Variants in HEPH observed in about 807,000 individuals in gnomAD.
HEPH encodes hephaestin.
In HEPH, 69 loss-of-function variants were observed where a neutral mutation model predicts 80.8. That is an observed-to-expected ratio of 0.85 (90% CI 0.70 to 1.04). The LOEUF (loss-of-function observed/expected upper bound fraction) is 1.04. Among genes scored for constraint, HEPH ranks in the 50% least tolerant of loss-of-function variants. The pLI, the probability that HEPH is intolerant of heterozygous loss-of-function variation, is 0.00. For synonymous variants in HEPH, 431 were observed against 322.8 expected, an observed-to-expected ratio of 1.34 and a Z score of -3.60; for missense variants, 1,115 against 891.3, an observed-to-expected ratio of 1.25 and a Z score of -3.20.
chrX:66,193,355 G>T, intron 7 of HEPH, 147 bp from the exon 8 acceptor site: 1 of 341,250 alleles, frequency 2.9e-6, no homozygotes, highest in South Asian at 9.7e-5. Flanking sequence ...CACCAAAGGA[G>T]ATATCTTCAC....
At position 66,189,552 on chromosome X, in the gene HEPH, AATAC is replaced by A. The variant is rs1473914271; in HGVS notation, c.809-128_809-125del. ...GATGTTTTTGAGATTTAAAGAAGAT[AATAC>A]ATAGGTCAACACAGTGTGCTGTTTA... On this transcript the variant is annotated intron_variant, in intron 5 of 20. Coordinates refer to ENST00000343002, the MANE Select transcript of HEPH (RefSeq NM_001367233.3). 2.3e-5 allele frequency: 15 copies of A among 655,750 alleles called. No homozygotes were observed. The African/African-American group carries it at 2.7e-4, about 12-fold the overall frequency. 54.0% of individuals were successfully genotyped at this position (655,750 alleles called of 1,213,427 possible).
intron 15 of HEPH, among the ~76,000 whole-genome samples, chrX:66,233,120 G>A (rs142176661): frequency 3.9e-4 from 44 of 111,879 alleles, no homozygotes; most frequent in African/African-American, 1.3e-3. Flanking sequence ...TATGTCACAC[G>A]TTAAAATTAA....
chrX:66,245,525 A>G (rs1376907742), intron 15 of HEPH, among the ~76,000 whole-genome samples: 1 of 111,421 alleles, frequency 9.0e-6, no homozygotes, highest in African/African-American at 3.3e-5. Flanking sequence ...CCACACAATA[A>G]TAATGGGAGA....
chrX:66,245,673 A>G (rs1286262672), intron 15 of HEPH, among the ~76,000 whole-genome samples: 1 of 111,682 alleles, frequency 9.0e-6, no homozygotes, highest in East Asian at 2.8e-4. Context: ...TCAAAAGAAT[A>G]TACATTCTTT....
At chrX:66,245,886 C>A (rs1230735899) in intron 15 of HEPH, among the ~76,000 whole-genome samples, 1 of 112,485 alleles carries the variant, frequency 8.9e-6, no homozygotes, top group Non-Finnish European at 1.9e-5. Context: ...CTAGTCTACT[C>A]CTTGGTGTTT....
At chrX:66,246,894 A>C (rs982544569) in intron 15 of HEPH, among the ~76,000 whole-genome samples, 1 of 112,067 alleles carries the variant, frequency 8.9e-6, no homozygotes, top group Non-Finnish European at 1.9e-5. Context: ...CTATTCTGCC[A>C]TATTGGCCCC....
chrX:66,245,126 A>G (rs1444084221), intron 15 of HEPH, among the ~76,000 whole-genome samples: 1 of 111,242 alleles, frequency 9.0e-6, no homozygotes, highest in Admixed American at 9.6e-5. Flanking sequence ...TTCACACATA[A>G]CAGTATTCAC....
rs2087696504 is a variant in HEPH at position 66,189,858 on chromosome X, C to A, written c.983C>A (p.Ala328Asp). 1 of 1,205,623 alleles carries A rather than the reference C, an allele frequency of 8.3e-7. No homozygotes were observed. Among genetic ancestry groups the A allele is most frequent in the Non-Finnish European group, 1.1e-6 (1 of 892,048 alleles). The change falls in exon 6 of 21, where the codon GCC becomes GAC. Residue 328 changes from alanine to aspartate, a missense_variant. By Grantham distance (126) the Ala-to-Asp change is moderately radical (BLOSUM62 -2). Around this residue, in one of 3 missense-constraint regions of HEPH, gnomAD observed 391 missense variants for 343.6 expected, o/e 1.14. Transcript: ENST00000343002. Reference sequence around the variant, plus strand: ...ACTGATGTGGCTAACATCTTTCCAGCCACCTTTGTGACTGCTGAGATGGTG... The same window carrying A: ...ACTGATGTGGCTAACATCTTTCCAGACACCTTTGTGACTGCTGAGATGGTG... ...HHTDVANIFP[A>D]TFVTAEMVPW...
At chrX:66,260,680 T>G (rs998634664) in intron 19 of HEPH, among the ~76,000 whole-genome samples, 6 of 112,685 alleles carry the variant, frequency 5.3e-5, no homozygotes, top group Non-Finnish European at 1.1e-4. Context: ...TGATTAGTCT[T>G]TCTAAAAAGA....
rs181664935 is a variant in HEPH at position 66,213,303 on chromosome X, T to C, written c.2563+5057T>C. 9.8e-3 allele frequency among the ~76,000 whole-genome samples: 1,084 copies of C among 110,320 alleles called. 21 individuals carry two copies. Among genetic ancestry groups the C allele is most frequent in the African/African-American group, 0.034 (1,024 of 30,282 alleles). ...TGCGGTGTTTGGTTTTTTGTTCTTGTGATAGTTTACTGAGAATGATGATTT... is the reference window on the plus strand; with the variant it reads ...TGCGGTGTTTGGTTTTTTGTTCTTGCGATAGTTTACTGAGAATGATGATTT... On this transcript the variant is annotated intron_variant, in intron 15 of 20. Transcript: ENST00000343002.
At chrX:66,197,996 A>G in intron 10 of HEPH, 102 bp downstream of exon 10, 1 of 660,503 alleles carries the variant, frequency 1.5e-6, no homozygotes, top group South Asian at 2.6e-5. Flanking sequence ...AGTTTAGGGA[A>G]TAGAAGAAAA....
chrX:66,168,338 G>C (rs899964053), intron 1 of HEPH, among the ~76,000 whole-genome samples: 1 of 112,115 alleles, frequency 8.9e-6, no homozygotes, highest in African/African-American at 3.2e-5. Flanking sequence ...AGTTACTACT[G>C]CCTACTATGT....
chrX:66,250,430 A>C (rs2090961568), intron 15 of HEPH, among the ~76,000 whole-genome samples: 1 of 111,333 alleles, frequency 9.0e-6, no homozygotes, highest in Non-Finnish European at 1.9e-5. Context: ...TTTGATGTAC[A>C]GTTGTATGAA....
At chrX:66,229,242 AT>A (rs2090020694) in intron 15 of HEPH, among the ~76,000 whole-genome samples, 1 of 112,471 alleles carries the variant, frequency 8.9e-6, no homozygotes, top group Non-Finnish European at 1.9e-5. Context: ...AGATGTAGAT[AT>A]ATATGTGCCA....
At chrX:66,164,100 G>T (rs145200757), upstream of HEPH, 693 of 409,214 alleles carry the variant, frequency 1.7e-3, 1 homozygote, top group Middle Eastern at 3.0e-3. Flanking sequence ...TCTCAGCAAA[G>T]ACCAATTAGC....
At position 66,249,780 on chromosome X, in the gene HEPH, G is replaced by A. The variant is rs2090941081; in HGVS notation, c.2564-5255G>A. On this transcript the variant is annotated intron_variant, in intron 15 of 20. Transcript: ENST00000343002. ...ATGCCCAGAGTTTCTGAATCTTCAG[G>A]TGTGGAGAGATTCCCAACAATTTGC... 2.7e-5 allele frequency among the ~76,000 whole-genome samples: 3 copies of A among 111,603 alleles called. No homozygotes were observed. The South Asian group carries it at 1.1e-3, about 42-fold the overall frequency.
At chrX:66,215,582 A>G (rs2089351102) in intron 15 of HEPH, among the ~76,000 whole-genome samples, 1 of 112,153 alleles carries the variant, frequency 8.9e-6, no homozygotes, top group African/African-American at 3.2e-5. Flanking sequence ...TCAGTAGAAG[A>G]ATAATTTTAA....
At chrX:66,196,259 G>A (rs930875713) in intron 9 of HEPH, among the ~76,000 whole-genome samples, 2 of 111,281 alleles carry the variant, frequency 1.8e-5, no homozygotes, top group African/African-American at 3.3e-5. Context: ...TTCAACAAAA[G>A]CAAACAAACA....
Position 66,203,502 on chromosome X carries a change from CAGA to C in HEPH, c.2222_2224del (p.Glu741del), listed in dbSNP as rs1569329075. 2.5e-6 allele frequency: 3 copies of C among 1,211,529 alleles called. No individual in the cohort carries two copies. The Admixed American group carries it at 6.5e-5, about 26-fold the overall frequency. On this transcript the variant is annotated inframe_deletion, in exon 13 of 21. Coordinates refer to ENST00000343002, the MANE Select transcript of HEPH (RefSeq NM_001367233.3). ...GCTGCAAGAATCTACTATATCATGGCAGAAGAAGTAGAGTGGGACTATTGCCCT... is the reference window on the plus strand; with the variant it reads ...GCTGCAAGAATCTACTATATCATGGCAGAAGTAGAGTGGGACTATTGCCCT...
Sources: allele counts gnomAD v4.1 joint callset (sites outside exome capture counted in the v4.1 genomes callset), GRCh38; gene constraint gnomAD v4.1.1; regional missense constraint gnomAD v4.1.1; transcripts MANE v1.5; gene names NCBI Gene and HGNC (gene_info 2026-07-23, HGNC 2026-07-21).